Variants in CDH2 observed in about 807,000 individuals in gnomAD.
CDH2 encodes cadherin-2.
A neutral mutation model predicts 92.0 loss-of-function variants in CDH2; 17 were observed. That is an observed-to-expected ratio of 0.18 (90% CI 0.13 to 0.28). The LOEUF (loss-of-function observed/expected upper bound fraction) is 0.28. Ranked by LOEUF, CDH2 falls within the 10% of genes least tolerant of loss-of-function variation. The pLI is 1.00. For synonymous variants in CDH2, 419 were observed against 415.9 expected, an observed-to-expected ratio of 1.01 and a Z score of -0.09; for missense variants, 862 against 1,133.1, an observed-to-expected ratio of 0.76 and a Z score of 3.44.
At chr18:28,131,606 GA>G (rs1182063174) in intron 2 of CDH2, among the ~76,000 whole-genome samples, 1 of 151,912 alleles carries the variant, frequency 6.6e-6, no homozygotes, top group Non-Finnish European at 1.5e-5. Context: ...AAGACATTTA[GA>G]AGAAAATTGG....
chr18:28,093,569 TA>T (rs59662910), intron 2 of CDH2, among the ~76,000 whole-genome samples: 74,995 of 148,922 alleles, frequency 0.5, 18,890 homozygotes, highest in African/African-American at 0.59. Flanking sequence ...TAAGCAAAGT[TA>T]AAAAAAAAAA....
chr18:28,072,393 T>G (rs2144170372), intron 2 of CDH2, among the ~76,000 whole-genome samples: 1 of 152,278 alleles, frequency 6.6e-6, no homozygotes, highest in Admixed American at 6.5e-5. Context: ...TCTTTCCTCT[T>G]CAGTGCCTCC....
chr18:27,989,427 GAACATTT>G (rs772642600), intron 10 of CDH2, among the ~76,000 whole-genome samples: 1 of 152,114 alleles, frequency 6.6e-6, no homozygotes, highest in Non-Finnish European at 1.5e-5. Context: ...GAGAAATGGA[GAACATTT>G]AACATTTAAT....
chr18:28,108,598 T>C (rs2015360233), intron 2 of CDH2, among the ~76,000 whole-genome samples: 1 of 152,106 alleles, frequency 6.6e-6, no homozygotes, highest in African/African-American at 2.4e-5. Flanking sequence ...TAAAATCAAG[T>C]TTATTCTAAG....
intron 1 of CDH2, among the ~76,000 whole-genome samples, chr18:28,165,800 C>G (rs8092856): frequency 0.077 from 11,601 of 150,590 alleles, 1,448 homozygotes; most frequent in African/African-American, 0.26. Flanking sequence ...TCAGTGTAAC[C>G]TTAAGAGAAA....
At chr18:28,001,381 A>G (rs1403913470) in intron 7 of CDH2, among the ~76,000 whole-genome samples, 1 of 152,222 alleles carries the variant, frequency 6.6e-6, no homozygotes, top group East Asian at 1.9e-4. Flanking sequence ...ATGAAGTCTC[A>G]TTTCTGTATC....
At chr18:28,021,175 T>C (rs1406475912) in intron 2 of CDH2, among the ~76,000 whole-genome samples, 13 of 151,962 alleles carry the variant, frequency 8.6e-5, no homozygotes, top group Non-Finnish European at 1.5e-4. Context: ...TAAGTATGAA[T>C]ATACTGAGTT....
At chr18:27,978,614 G>C (rs569325677) in intron 14 of CDH2, among the ~76,000 whole-genome samples, 14 of 145,356 alleles carry the variant, frequency 9.6e-5, no homozygotes, top group African/African-American at 2.8e-4. Flanking sequence ...ATGTAGTTGG[G>C]GGGGGGGATT....
At chr18:27,969,740 G>C (rs1038502290) in intron 14 of CDH2, among the ~76,000 whole-genome samples, 2 of 152,210 alleles carry the variant, frequency 1.3e-5, no homozygotes, top group East Asian at 1.9e-4. Context: ...AGCTTGGCCG[G>C]GTGCGGCGGC....
At chr18:28,087,933 C>T (rs1048895996) in intron 2 of CDH2, among the ~76,000 whole-genome samples, 4 of 152,114 alleles carry the variant, frequency 2.6e-5, no homozygotes, top group Admixed American at 2.0e-4. Context: ...GTTTTTTACT[C>T]TCTCCCGCCT....
At chr18:27,993,705 T>C in intron 7 of CDH2, 68 bp from the exon 8 acceptor site, 1 of 1,213,576 alleles carries the variant, frequency 8.2e-7, no homozygotes, top group Non-Finnish European at 1.2e-6. Flanking sequence ...AGTTGTTCTG[T>C]AAACGGCTCT....
At chr18:28,063,015 T>C (rs941532113) in intron 2 of CDH2, among the ~76,000 whole-genome samples, 1 of 152,120 alleles carries the variant, frequency 6.6e-6, no homozygotes, top group Non-Finnish European at 1.5e-5. Context: ...TCCCAAACTG[T>C]TAAAACTATG....
chr18:28,014,499 T>C (rs867078323), intron 2 of CDH2, among the ~76,000 whole-genome samples: 4 of 152,204 alleles, frequency 2.6e-5, no homozygotes, highest in Non-Finnish European at 5.9e-5. Flanking sequence ...ATGTTTACTA[T>C]GCTCTAGAAT....
chr18:28,145,401 A>C (rs180993036), intron 2 of CDH2, among the ~76,000 whole-genome samples: 22 of 152,204 alleles, frequency 1.4e-4, no homozygotes, highest in Middle Eastern at 3.4e-3. Context: ...ATCATAGCAA[A>C]AGTCATCACT....
intron 2 of CDH2, among the ~76,000 whole-genome samples, chr18:28,078,796 TCCC>T (rs2014774121): frequency 6.6e-6 from 1 of 152,138 alleles, no homozygotes; most frequent in South Asian, 2.1e-4. Context: ...AGCAGTTTAA[TCCC>T]AGTCATTTAT....
chr18:28,007,165 A>AAAAAAAAATATATATAT (rs1172779200), intron 5 of CDH2, among the ~76,000 whole-genome samples: 34 of 110,448 alleles, frequency 3.1e-4, no homozygotes, highest in African/African-American at 1.5e-3. Flanking sequence ...ATAAAAAAAA[A>AAAAAAAAATATATATAT]ATATATATAT....
intron 2 of CDH2, among the ~76,000 whole-genome samples, chr18:28,113,645 A>G (rs2015448935): frequency 6.6e-6 from 1 of 152,166 alleles, no homozygotes; most frequent in South Asian, 2.1e-4. Flanking sequence ...AAACATTTCT[A>G]CTACTATGGG....
At chr18:28,176,186 CAAAGG>C (rs2016537966) in intron 1 of CDH2, among the ~76,000 whole-genome samples, 2 of 152,274 alleles carry the variant, frequency 1.3e-5, no homozygotes, top group Admixed American at 1.3e-4. Context: ...AGGCTCCAGG[CAAAGG>C]CGCCCCCGGG....
intron 2 of CDH2, among the ~76,000 whole-genome samples, chr18:28,049,828 T>C (rs746557099): frequency 9.2e-5 from 14 of 152,216 alleles, no homozygotes; most frequent in Non-Finnish European, 1.8e-4. Context: ...GATTACTGCA[T>C]AGCAAATAGT....
Sources: gnomAD v4.1 joint callset for allele counts (sites outside exome capture counted in the v4.1 genomes callset) on GRCh38, gnomAD v4.1.1 for gene constraint, MANE v1.5 for transcripts, NCBI Gene and HGNC (gene_info 2026-07-23, HGNC 2026-07-21) for gene names.